NLGN1: variants seen among roughly 807,000 people sequenced by gnomAD.
NLGN1 encodes the protein neuroligin-1.
A neutral mutation model predicts 65.5 loss-of-function variants in NLGN1; 12 were observed. The observed-to-expected ratio is 0.18, with a 90% CI of 0.12 to 0.30. NLGN1 has a LOEUF of 0.30. NLGN1 is among the 10% of genes least tolerant of loss of function. The pLI is 1.00. For synonymous variants in NLGN1, 350 were observed against 359.5 expected (o/e 0.97, Z 0.30); for missense variants, 750 against 1,007.1 (o/e 0.74, Z 3.46).
At chr3:173,943,054 A>T (rs925555889) in intron 4 of NLGN1, among the ~76,000 whole-genome samples, 1 of 151,916 alleles carries the variant, frequency 6.6e-6, no homozygotes, top group South Asian at 2.1e-4. Flanking sequence ...GCAAAACCCC[A>T]TCTTTACAAA....
chr3:173,976,506 ATAG>A (rs1717505097), intron 4 of NLGN1, among the ~76,000 whole-genome samples: 1 of 152,066 alleles, frequency 6.6e-6, no homozygotes, highest in Non-Finnish European at 1.5e-5. Context: ...GCTGGAGGTA[ATAG>A]TAGAGCTGGA....
At chr3:173,737,480 C>T (rs1156714586) in intron 3 of NLGN1, among the ~76,000 whole-genome samples, 4 of 152,004 alleles carry the variant, frequency 2.6e-5, no homozygotes, top group African/African-American at 9.7e-5. Flanking sequence ...TATAGATTGC[C>T]TCTTCAAGAC....
In NLGN1 at chr3:174,105,687, G is replaced by GTAGATATAGATATCTATATCTATATC. The variant is rs765211613; in HGVS notation, c.647-169619_647-169594dup. Among the ~76,000 whole-genome samples the GTAGATATAGATATCTATATCTATATC allele has an allele frequency of 5.1e-4, 77 of 151,764 alleles. 1 individual carries two copies. The South Asian group carries it at 6.3e-3, about 12-fold the overall frequency. ...TTCCTTGGAGACATAATATCTATAT[G>GTAGATATAGATATCTATATCTATATC]TAGATATAGATATCTATATCTATAT... On this transcript the variant is annotated intron_variant, in intron 4 of 6. Transcript: ENST00000457714.
chr3:173,635,131 A>G (rs1756376958), intron 3 of NLGN1, among the ~76,000 whole-genome samples: 2 of 152,154 alleles, frequency 1.3e-5, no homozygotes, highest in Non-Finnish European at 2.9e-5. Flanking sequence ...AATAATATGA[A>G]TGATAACAAA....
chr3:173,780,843 T>C (rs937618355), intron 3 of NLGN1, among the ~76,000 whole-genome samples: 11 of 152,224 alleles, frequency 7.2e-5, no homozygotes, highest in Middle Eastern at 3.4e-3. Flanking sequence ...TTCATGGTTT[T>C]TGAAAACGTA....
At position 174,187,504 on chromosome 3, in the gene NLGN1, G is replaced by T. The variant is rs183546289; in HGVS notation, c.647-87811G>T. The stretch of plus-strand genomic sequence containing the variant: ...CCTGATTATAAGCAAAATGCTTTCA[G>T]AGTTTAGAGAGATAATGCTTTTGCT... On this transcript the variant is annotated intron_variant, in intron 4 of 6. Transcript: ENST00000457714. 1.8e-4 allele frequency among the ~76,000 whole-genome samples: 28 copies of T among 152,072 alleles called. 1 individual carries two copies. Among genetic ancestry groups the T allele is most frequent in the Admixed American group, 1.2e-3 (18 of 15,224 alleles).
At chr3:173,526,640 C>T (rs1422616416) in intron 2 of NLGN1, among the ~76,000 whole-genome samples, 4 of 152,000 alleles carry the variant, frequency 2.6e-5, no homozygotes, top group African/African-American at 4.8e-5. Context: ...TTTAAATGTA[C>T]AATTAAAGTA....
chr3:174,236,723 A>G (rs1001273838), intron 4 of NLGN1, among the ~76,000 whole-genome samples: 1 of 151,988 alleles, frequency 6.6e-6, no homozygotes, highest in African/African-American at 2.4e-5. Context: ...CAAATTCTTC[A>G]CCATTTAAAA....
At chr3:174,058,988 G>C (rs968586743) in intron 4 of NLGN1, among the ~76,000 whole-genome samples, 4 of 152,092 alleles carry the variant, frequency 2.6e-5, no homozygotes, top group Non-Finnish European at 4.4e-5. Flanking sequence ...TGAATAATCT[G>C]ATCTACAAAT....
intron 2 of NLGN1, among the ~76,000 whole-genome samples, chr3:173,539,451 A>G (rs147723415): frequency 0.01 from 1,522 of 145,998 alleles, 24 homozygotes; most frequent in African/African-American, 0.036. Flanking sequence ...ACATGTATAT[A>G]CATACATGTA....
intron 2 of NLGN1, among the ~76,000 whole-genome samples, chr3:173,578,243 A>AG (rs926875243): frequency 1.3e-5 from 2 of 151,934 alleles, no homozygotes; most frequent in African/African-American, 4.8e-5. Flanking sequence ...CTCAAAAAAA[A>AG]AAAAAAGAAG....
At chr3:173,740,016 T>C (rs1774392291) in intron 3 of NLGN1, among the ~76,000 whole-genome samples, 1 of 152,104 alleles carries the variant, frequency 6.6e-6, no homozygotes, top group African/African-American at 2.4e-5. Flanking sequence ...TTCCCTAATT[T>C]AGGTTATTTA....
intron 4 of NLGN1, among the ~76,000 whole-genome samples, chr3:173,884,747 TA>T (rs202182038): frequency 0.011 from 1,726 of 151,998 alleles, 36 homozygotes; most frequent in African/African-American, 0.036. Flanking sequence ...TATACTGCTA[TA>T]AAAAAAACGC....
chr3:174,293,427 T>C, the NLGN1 span, among the ~76,000 whole-genome samples: 2 of 151,442 alleles, frequency 1.3e-5, no homozygotes, highest in Non-Finnish European at 3.0e-5. Context: ...AGTTTATTAA[T>C]TGAAAGGACC....
chr3:174,055,003 A>C (rs1347022777), intron 4 of NLGN1, among the ~76,000 whole-genome samples: 1 of 151,940 alleles, frequency 6.6e-6, no homozygotes, highest in Non-Finnish European at 1.5e-5. Context: ...GAGACTTAGC[A>C]CTAGAGTCAC....
At chr3:173,692,751 T>A (rs1765657583) in intron 3 of NLGN1, among the ~76,000 whole-genome samples, 1 of 152,118 alleles carries the variant, frequency 6.6e-6, no homozygotes, top group Non-Finnish European at 1.5e-5. Context: ...AAAAGCTAAC[T>A]TTTTTGCAAT....
intron 4 of NLGN1, among the ~76,000 whole-genome samples, chr3:173,946,002 T>C (rs1001716207): frequency 6.6e-6 from 1 of 152,224 alleles, no homozygotes; most frequent in African/African-American, 2.4e-5. Flanking sequence ...CATAAACTGA[T>C]GCTGAGCATA....
intron 4 of NLGN1, among the ~76,000 whole-genome samples, chr3:174,241,478 A>G (rs1356676676): frequency 6.6e-6 from 1 of 151,754 alleles, no homozygotes; most frequent in African/African-American, 2.4e-5. Context: ...TCTAGCCATC[A>G]TTTAGACCTG....
intron 4 of NLGN1, among the ~76,000 whole-genome samples, chr3:173,834,086 A>G (rs1187264902): frequency 1.3e-5 from 2 of 152,174 alleles, no homozygotes; most frequent in Non-Finnish European, 2.9e-5. Flanking sequence ...TCTCAACACC[A>G]TGTTTTTCTT....
Sources: allele counts gnomAD v4.1 joint callset (sites outside exome capture counted in the v4.1 genomes callset), GRCh38; gene constraint gnomAD v4.1.1; transcripts MANE v1.5; gene names NCBI Gene and HGNC (gene_info 2026-07-23, HGNC 2026-07-21).